CPXM2: variants seen among roughly 807,000 people sequenced by gnomAD.
CPXM2 encodes the protein inactive carboxypeptidase-like protein X2.
A neutral mutation model predicts 86.1 loss-of-function variants in CPXM2; 66 were observed. The observed-to-expected ratio is 0.77, with a 90% CI of 0.63 to 0.94. The LOEUF (loss-of-function observed/expected upper bound fraction) is 0.94. Among genes scored for constraint, CPXM2 ranks in the 40% least tolerant of loss-of-function variants. The pLI, the probability that CPXM2 is intolerant of heterozygous loss-of-function variation, is 0.00. For missense variants in CPXM2, 948 were observed against 1,026.3 expected (o/e 0.92, Z 1.04); for synonymous variants, 388 against 400.2 (o/e 0.97, Z 0.36).
intron 9 of CPXM2, 117 bp downstream of exon 9, chr10:123,768,409 A>AAATAAATG (rs1846541953): frequency 2.2e-6 from 1 of 445,506 alleles, no homozygotes; most frequent in Non-Finnish European, 3.5e-6. Flanking sequence ...ATAAATAAAT[A>AAATAAATG]AATAAATAAA....
intron 4 of CPXM2, among the ~76,000 whole-genome samples, chr10:123,815,794 C>T (rs1847801970): frequency 6.6e-6 from 1 of 152,118 alleles, no homozygotes; most frequent in African/African-American, 2.4e-5. Flanking sequence ...GTACACCAGA[C>T]TCGAAAATAC....
At position 123,798,136 on chromosome 10, in the gene CPXM2, C is replaced by A; in HGVS notation, c.739-10G>T. The A allele has an allele frequency of 6.3e-7, 1 of 1,580,590 alleles. No individual in the cohort carries two copies. Among genetic ancestry groups the A allele is most frequent in the Non-Finnish European group, 8.6e-7 (1 of 1,164,778 alleles). On this transcript the variant is annotated splice_polypyrimidine_tract_variant and intron_variant, in intron 5 of 13. Coordinates refer to ENST00000241305, the MANE Select transcript of CPXM2 (RefSeq NM_198148.3). ...TGTTTCCCTCAAATATCTATTTATG[C>A]TCATGGGAGAAAAGGAAAATCTTTT...
chr10:123,795,764 T>C (rs1847323744), intron 6 of CPXM2, among the ~76,000 whole-genome samples: 1 of 152,130 alleles, frequency 6.6e-6, no homozygotes, highest in Non-Finnish European at 1.5e-5. Flanking sequence ...AGTCCATACA[T>C]GAATTCAGAT....
At chr10:123,786,297 C>A (rs1038161812) in intron 6 of CPXM2, among the ~76,000 whole-genome samples, 2 of 152,190 alleles carry the variant, frequency 1.3e-5, no homozygotes, top group Non-Finnish European at 2.9e-5. Flanking sequence ...AAGGAGCACA[C>A]GCTTCTGTAG....
intron 6 of CPXM2, among the ~76,000 whole-genome samples, chr10:123,791,938 C>T (rs917845547): frequency 1.3e-5 from 2 of 152,240 alleles, no homozygotes; most frequent in African/African-American, 4.8e-5. Context: ...TCTTGCTGCG[C>T]AGCTGAACCC....
At chr10:123,819,142 G>T (rs939671236) in intron 4 of CPXM2, among the ~76,000 whole-genome samples, 6 of 152,190 alleles carry the variant, frequency 3.9e-5, no homozygotes, top group Admixed American at 2.0e-4. Context: ...GTTGGCTGGG[G>T]TGATTGACCC....
At chr10:123,783,358 C>T (rs1356414210) in intron 6 of CPXM2, among the ~76,000 whole-genome samples, 2 of 152,334 alleles carry the variant, frequency 1.3e-5, no homozygotes, top group Non-Finnish European at 2.9e-5. Flanking sequence ...GACCCCTTTC[C>T]GGTAACACTC....
chr10:123,878,505 A>ATGTG (rs1564809729), intron 2 of CPXM2, among the ~76,000 whole-genome samples: 1 of 88,492 alleles, frequency 1.1e-5, no homozygotes, highest in South Asian at 4.5e-4. Flanking sequence ...GCAAATTCAG[A>ATGTG]CGTGTGTGTG....
intron 13 of CPXM2, among the ~76,000 whole-genome samples, chr10:123,748,893 T>C (rs1451699967): frequency 2.0e-5 from 3 of 151,994 alleles, no homozygotes; most frequent in Non-Finnish European, 4.4e-5. Context: ...CCAGGCAGTA[T>C]GTCCTTGAGA....
chr10:123,868,474 C>T (rs1004849531), intron 2 of CPXM2, among the ~76,000 whole-genome samples: 2 of 152,120 alleles, frequency 1.3e-5, no homozygotes, highest in African/African-American at 4.8e-5. Flanking sequence ...AGTACTGTCT[C>T]GCAGCCACAG....
chr10:123,867,236 C>T (rs1944806279), intron 2 of CPXM2, among the ~76,000 whole-genome samples: 1 of 152,146 alleles, frequency 6.6e-6, no homozygotes, highest in South Asian at 2.1e-4. Flanking sequence ...TCAAGCATCC[C>T]AGGAAAAGTT....
chr10:123,788,487 G>A (rs541124983), intron 6 of CPXM2, among the ~76,000 whole-genome samples: 4 of 152,140 alleles, frequency 2.6e-5, no homozygotes, highest in Non-Finnish European at 5.9e-5. Flanking sequence ...GGTGCCAGCA[G>A]TCACCAGCCC....
intron 1 of CPXM2, among the ~76,000 whole-genome samples, chr10:123,883,139 C>CA (rs1402677059): frequency 6.6e-6 from 1 of 152,246 alleles, no homozygotes; most frequent in Admixed American, 6.5e-5. Context: ...AGCTCTGGGA[C>CA]TCCAGTGAAA....
chr10:123,752,452 G>A (rs1846099545), intron 13 of CPXM2: 1 of 985,148 alleles, frequency 1.0e-6, no homozygotes, highest in Non-Finnish European at 1.2e-6. Context: ...CTATTTTGTG[G>A]CATTTTAGAC....
intron 2 of CPXM2, chr10:123,913,509 A>T (rs1218708690): frequency 5.5e-5 from 9 of 162,322 alleles, no homozygotes; most frequent in Admixed American, 5.8e-5. Context: ...CTGAATGAAT[A>T]TACGCATGTA....
At chr10:123,837,294 C>A (rs1328709778) in intron 4 of CPXM2, among the ~76,000 whole-genome samples, 8 of 152,198 alleles carry the variant, frequency 5.3e-5, no homozygotes, top group Non-Finnish European at 1.0e-4. Context: ...CATTAGCCTA[C>A]CTCCTTCTTA....
chr10:123,795,702 G>GA (rs968168102), intron 6 of CPXM2, among the ~76,000 whole-genome samples: 30 of 147,962 alleles, frequency 2.0e-4, no homozygotes, highest in African/African-American at 5.2e-4. Flanking sequence ...GTAACTTCTA[G>GA]AAAAAAAAAA....
intron 10 of CPXM2, 43 bp downstream of exon 10, chr10:123,766,930 C>T (rs761852388): frequency 4.0e-6 from 6 of 1,518,078 alleles, no homozygotes; most frequent in Non-Finnish European, 5.5e-6. Flanking sequence ...GAGGTTAAGC[C>T]TTGCCTTTGG....
chr10:123,886,589 G>A (rs1408285453), intron 1 of CPXM2, among the ~76,000 whole-genome samples: 5 of 152,124 alleles, frequency 3.3e-5, no homozygotes, highest in Non-Finnish European at 7.4e-5. Flanking sequence ...AGACTATGGC[G>A]ATGATGTGGG....
Sources: allele counts gnomAD v4.1 joint callset (sites outside exome capture counted in the v4.1 genomes callset), GRCh38; gene constraint gnomAD v4.1.1; transcripts MANE v1.5; gene names NCBI Gene and HGNC (gene_info 2026-07-23, HGNC 2026-07-21).